Variants in FBXL17 observed in about 807,000 individuals in gnomAD.
FBXL17 encodes the protein F-box and leucine rich repeat protein 17, also known as F-box/LRR-repeat protein 17.
A neutral mutation model predicts 66.2 loss-of-function variants in FBXL17; 22 were observed. The ratio of observed to expected loss-of-function variants is 0.33; its 90% CI spans 0.24 to 0.47. FBXL17 has a LOEUF of 0.47. Ranked by LOEUF, FBXL17 falls within the 20% of genes least tolerant of loss-of-function variation. FBXL17 has a pLI of 1.00. For missense variants in FBXL17, 878 were observed against 948.2 expected (o/e 0.93, Z 0.97); for synonymous variants, 474 against 400.5 (o/e 1.18, Z -2.19).
At chr5:108,311,693 C>CT (rs1759124999) in intron 4 of FBXL17, among the ~76,000 whole-genome samples, 1 of 151,570 alleles carries the variant, frequency 6.6e-6, no homozygotes, top group Admixed American at 6.6e-5. Flanking sequence ...CATGGAGAAT[C>CT]TAAAAAAAAG....
chr5:108,002,412 C>G (rs1753768240), intron 7 of FBXL17, among the ~76,000 whole-genome samples: 1 of 152,016 alleles, frequency 6.6e-6, no homozygotes, highest in African/African-American at 2.4e-5. Context: ...TTTCCCACTT[C>G]AACAGAGATA....
At chr5:108,025,644 T>C (rs1288885040) in intron 6 of FBXL17, among the ~76,000 whole-genome samples, 2 of 151,448 alleles carry the variant, frequency 1.3e-5, no homozygotes, top group African/African-American at 4.9e-5. Flanking sequence ...GTTACATAGA[T>C]GGTAAGTGGG....
At position 108,381,650 on chromosome 5, in the gene FBXL17, G is replaced by C; in HGVS notation, c.42C>G (p.Ser14Arg). 1.4e-6 allele frequency: 2 copies of C among 1,479,812 alleles called. No individual in the cohort carries two copies. The highest frequency in any genetic ancestry group is 1.8e-6 in the Non-Finnish European group (2 of 1,119,340). The allele number at this position is 1,479,812 out of a possible 1,614,324, so 91.7% of individuals were successfully genotyped here. A position where few individuals can be genotyped will look rare whatever the true frequency, so the allele number is the denominator to read the frequency against. Residue 14 changes from serine to arginine, a missense_variant, in exon 1 of 9, where the codon AGC becomes AGG. This residue lies in a region of FBXL17 where 605 missense variants were observed against 509.5 expected (regional missense o/e 1.19). Coordinates refer to ENST00000542267, the MANE Select transcript of FBXL17 (RefSeq NM_001163315.3). ...LLSKEPRNRP[S>R]QKRPRCCSWC... is the part of the protein sequence containing the mutation. Reference sequence around the variant, plus strand: ...AACTGCAACAGCGAGGCCTCTTCTGGCTCGGGCGGTTACGCGGCTCCTTCG... The same window carrying C: ...AACTGCAACAGCGAGGCCTCTTCTGCCTCGGGCGGTTACGCGGCTCCTTCG...
intron 5 of FBXL17, among the ~76,000 whole-genome samples, chr5:108,189,047 C>T (rs570890303): frequency 1.1e-4 from 17 of 152,284 alleles, no homozygotes; most frequent in Admixed American, 9.2e-4. Flanking sequence ...CACCCACAGT[C>T]ATGGCTGGGC....
chr5:108,102,460 T>C (rs1749637193), intron 6 of FBXL17, among the ~76,000 whole-genome samples: 1 of 152,196 alleles, frequency 6.6e-6, no homozygotes, highest in Admixed American at 6.5e-5. Context: ...CACCACTAAC[T>C]GAGATCTCGG....
At chr5:108,257,870 T>C (rs73214547) in intron 4 of FBXL17, among the ~76,000 whole-genome samples, 1,952 of 152,252 alleles carry the variant, frequency 0.013, 35 homozygotes, top group African/African-American at 0.043. Context: ...AGAGTAATCC[T>C]ATGACGTTGT....
chr5:107,980,997 T>C (rs942693217), intron 7 of FBXL17, among the ~76,000 whole-genome samples: 1 of 152,082 alleles, frequency 6.6e-6, no homozygotes, highest in Admixed American at 6.5e-5. Flanking sequence ...TAGTACGATA[T>C]CCTGTATTAA....
chr5:108,229,679 C>T (rs548725099), intron 4 of FBXL17, among the ~76,000 whole-genome samples: 1 of 152,178 alleles, frequency 6.6e-6, no homozygotes, highest in Admixed American at 6.5e-5. Context: ...TGACCAAGAA[C>T]CCAAAAGCAA....
At chr5:108,000,222 C>T (rs112700933) in intron 7 of FBXL17, among the ~76,000 whole-genome samples, 2,423 of 152,256 alleles carry the variant, frequency 0.016, 65 homozygotes, top group African/African-American at 0.055. Context: ...TCAATAACAA[C>T]ATCACCCTGG....
At chr5:108,348,339 T>C (rs1747411958) in intron 4 of FBXL17, 60 bp downstream of exon 4, 1 of 1,430,582 alleles carries the variant, frequency 7.0e-7, no homozygotes, top group Non-Finnish European at 9.4e-7. Flanking sequence ...TAAATAAACT[T>C]GAAAGAATTC....
chr5:108,051,139 C>A (rs1211828086), intron 6 of FBXL17, among the ~76,000 whole-genome samples: 1 of 152,196 alleles, frequency 6.6e-6, no homozygotes, highest in East Asian at 1.9e-4. Context: ...GCATTCATAG[C>A]CCAATTCTAC....
chr5:107,946,970 G>T (rs1428988268), intron 7 of FBXL17, among the ~76,000 whole-genome samples: 1 of 151,768 alleles, frequency 6.6e-6, no homozygotes, highest in Non-Finnish European at 1.5e-5. Context: ...ACCATGTAAA[G>T]GTATTACCTA....
At chr5:108,351,388 A>C (rs1267253376) in intron 3 of FBXL17, among the ~76,000 whole-genome samples, 1 of 152,154 alleles carries the variant, frequency 6.6e-6, no homozygotes, top group African/African-American at 2.4e-5. Context: ...CCAGGGGAAA[A>C]TGTTTTCTCA....
chr5:108,025,727 GCACA>G (rs34719664), intron 6 of FBXL17, among the ~76,000 whole-genome samples: 24,739 of 141,188 alleles, frequency 0.18, 2,446 homozygotes, highest in South Asian at 0.44. Flanking sequence ...ACGCGCGCGC[GCACA>G]CACACACACA....
chr5:107,992,388 TAC>T (rs2112695491), intron 7 of FBXL17, among the ~76,000 whole-genome samples: 1 of 152,138 alleles, frequency 6.6e-6, no homozygotes, highest in South Asian at 2.1e-4. Context: ...AAGAAAAAAA[TAC>T]ATTGTCTCCT....
At chr5:108,220,715 C>G (rs1274542356) in intron 5 of FBXL17, among the ~76,000 whole-genome samples, 1 of 152,216 alleles carries the variant, frequency 6.6e-6, no homozygotes, top group Non-Finnish European at 1.5e-5. Context: ...GGTCCTTCGA[C>G]ATGTTCCTTC....
At chr5:108,299,089 T>TA in intron 4 of FBXL17, 12 of 976,558 alleles carry the variant, frequency 1.2e-5, no homozygotes, top group Non-Finnish European at 1.5e-5. Context: ...ACTGCTATTT[T>TA]AAAAAACAGT....
chr5:108,150,672 C>A (rs189623750), intron 6 of FBXL17, among the ~76,000 whole-genome samples: 1 of 152,266 alleles, frequency 6.6e-6, no homozygotes, highest in Non-Finnish European at 1.5e-5. Context: ...CTTGATTTGT[C>A]TGATTGCTTC....
At chr5:107,966,458 G>A (rs771385552) in intron 7 of FBXL17, among the ~76,000 whole-genome samples, 6 of 152,178 alleles carry the variant, frequency 3.9e-5, no homozygotes, top group South Asian at 2.1e-4. Flanking sequence ...AGAATGTTTC[G>A]AGGAAGGAGA....
Sources: allele counts gnomAD v4.1 joint callset (sites outside exome capture counted in the v4.1 genomes callset), GRCh38; gene constraint gnomAD v4.1.1; regional missense constraint gnomAD v4.1.1; transcripts MANE v1.5; gene names NCBI Gene and HGNC (gene_info 2026-07-23, HGNC 2026-07-21).